HECW1: variants seen among roughly 807,000 people sequenced by gnomAD.
HECW1 encodes the protein HECT, C2 and WW domain containing E3 ubiquitin protein ligase 1, also known as E3 ubiquitin-protein ligase HECW1.
In HECW1, 61 loss-of-function variants were observed where a neutral mutation model predicts 182.3. That is an observed-to-expected ratio of 0.33 (90% CI 0.27 to 0.41). The LOEUF is 0.41. Ranked by LOEUF, HECW1 falls within the 10% of genes least tolerant of loss-of-function variation. The pLI is 1.00. For synonymous variants in HECW1, 859 were observed against 832.6 expected, an observed-to-expected ratio of 1.03 and a Z score of -0.55; for missense variants, 1,739 against 2,108.9, an observed-to-expected ratio of 0.82 and a Z score of 3.44.
At position 43,243,805 on chromosome 7, in the gene HECW1, T is replaced by C. The variant is rs192838415; in HGVS notation, c.-31-70T>C. The C allele has an allele frequency of 2.4e-5, 28 of 1,167,046 alleles. No individual in the cohort carries two copies. The East Asian group carries it at 6.5e-4, about 27-fold the overall frequency. 72.3% of individuals were successfully genotyped at this position (1,167,046 alleles called of 1,614,324 possible). ...GGGGTGGGGGAAACAATGTTGTTTG[T>C]GTGGGTAATGTTGCTGATTTTGTTT... On this transcript the variant is annotated intron_variant, in intron 2 of 29. Coordinates refer to ENST00000395891, the MANE Select transcript of HECW1 (RefSeq NM_015052.5). This position sits in a 1 kb window ranked among gnomAD's most constrained non-coding sequence, Gnocchi z 4.0.
rs1814847830 is a variant in HECW1 at position 43,354,410 on chromosome 7, T to C, written c.461-6476T>C. The stretch of plus-strand genomic sequence containing the variant: ...TAAACAAACTCAGCGATCTCCAAGA[T>C]AAGACAGAAAAAGCAATTCAGAAAT... On this transcript the variant is annotated intron_variant, in intron 5 of 29. Transcript: ENST00000395891. Among the ~76,000 whole-genome samples, 4 of 152,196 alleles carry C rather than the reference T, an allele frequency of 2.6e-5. No homozygotes were observed. In the South Asian group the frequency reaches 8.3e-4, roughly 32 times the overall value.
chr7:43,499,459 ACT>A (rs1180664521), intron 19 of HECW1, among the ~76,000 whole-genome samples: 1 of 146,664 alleles, frequency 6.8e-6, no homozygotes, highest in Non-Finnish European at 1.5e-5. Context: ...ACAGAGCAAG[ACT>A]CTGTCTCAAA....
intron 2 of HECW1, among the ~76,000 whole-genome samples, chr7:43,197,453 T>C (rs945886163): frequency 5.9e-5 from 9 of 152,196 alleles, no homozygotes; most frequent in Admixed American, 3.9e-4. Context: ...AAGCGATGCG[T>C]CCTGGGTGGA....
intron 3 of HECW1, among the ~76,000 whole-genome samples, chr7:43,308,140 T>C (rs1807925449): frequency 1.9e-5 from 2 of 104,872 alleles, no homozygotes; most frequent in South Asian, 4.7e-4. Flanking sequence ...ATATAATATA[T>C]TATATTATAT....
At chr7:43,128,716 G>A (rs958930490) in intron 2 of HECW1, among the ~76,000 whole-genome samples, 1 of 152,126 alleles carries the variant, frequency 6.6e-6, no homozygotes, top group Non-Finnish European at 1.5e-5. Flanking sequence ...GCTGGATCTG[G>A]GTAGAGTCCA....
At chr7:43,414,846 G>T (rs187939368) in intron 8 of HECW1, among the ~76,000 whole-genome samples, 126 of 152,144 alleles carry the variant, frequency 8.3e-4, no homozygotes, top group Non-Finnish European at 1.5e-3. Context: ...TCTGCTGCTG[G>T]ATTCGGTTTA....
chr7:43,240,869 C>T (rs1798815006), intron 2 of HECW1, among the ~76,000 whole-genome samples: 1 of 152,158 alleles, frequency 6.6e-6, no homozygotes, highest in South Asian at 2.1e-4. Flanking sequence ...CCCTGCTCTC[C>T]TATTGCTGTG....
chr7:43,361,815 C>CTTTT (rs397890047), intron 6 of HECW1, among the ~76,000 whole-genome samples: 5 of 77,978 alleles, frequency 6.4e-5, no homozygotes, highest in African/African-American at 2.7e-4. Context: ...AAGACTCTCT[C>CTTTT]TTTTTTTTTT....
intron 3 of HECW1, among the ~76,000 whole-genome samples, chr7:43,261,823 A>T (rs1801205250): frequency 6.6e-6 from 1 of 152,198 alleles, no homozygotes. Context: ...ACAAAAGAGT[A>T]ACTGGCAGGT....
At chr7:43,384,529 GA>G (rs1167528063) in intron 6 of HECW1, among the ~76,000 whole-genome samples, 1 of 152,130 alleles carries the variant, frequency 6.6e-6, no homozygotes, top group South Asian at 2.1e-4. Flanking sequence ...ACATTAGCAA[GA>G]AAAAAATACG....
At chr7:43,387,149 A>C (rs73099600) in intron 6 of HECW1, among the ~76,000 whole-genome samples, 3,594 of 150,218 alleles carry the variant, frequency 0.024, 119 homozygotes, top group African/African-American at 0.076. Flanking sequence ...TCATTCTCCC[A>C]CTCCCTTTCC....
chr7:43,206,462 T>C (rs1302254261), intron 2 of HECW1, among the ~76,000 whole-genome samples: 1 of 152,214 alleles, frequency 6.6e-6, no homozygotes, highest in Non-Finnish European at 1.5e-5. Flanking sequence ...TTTTGTTTTA[T>C]AGCTTTCTTT....
At chr7:43,388,422 C>A (rs2074887335) in intron 6 of HECW1, among the ~76,000 whole-genome samples, 3 of 152,144 alleles carry the variant, frequency 2.0e-5, no homozygotes. Flanking sequence ...GACTTTCAGA[C>A]CAACCATTGA....
At chr7:43,535,740 G>A (rs768505009) in intron 24 of HECW1, among the ~76,000 whole-genome samples, 11 of 152,194 alleles carry the variant, frequency 7.2e-5, no homozygotes, top group Admixed American at 3.3e-4. Context: ...TCCCATCTAC[G>A]TATGTATGCC....
At position 43,444,583 on chromosome 7, in the gene HECW1, C is replaced by T; in HGVS notation, c.1411C>T (p.Leu471=). 1 of 1,611,040 alleles carries T rather than the reference C, an allele frequency of 6.2e-7. No homozygotes were observed. Among genetic ancestry groups the T allele is most frequent in the South Asian group, 1.1e-5 (1 of 90,474 alleles). The change falls in exon 11 of 30, where the codon CTG becomes TTG. Residue 471 remains leucine, a synonymous_variant. Transcript: ENST00000395891. The surrounding 1 kb of genome is among the most constrained non-coding windows in gnomAD (Gnocchi z 4.3). ...GGACCTGGGTGAGGAGGCATCAGCA[C>T]TGCTGCTGGAAGACGGTGAAGCCCC... ...QLDLGEEASA[L]LLEDGEAPAS... is the part of the protein sequence containing the mutation.
rs531160508 is a variant in HECW1, at chr7:43,266,422, G to C, written c.27+22490G>C. On this transcript the variant is annotated intron_variant, in intron 3 of 29. Transcript: ENST00000395891. The stretch of plus-strand genomic sequence containing the variant: ...GCGATCTTGGCTCACTGCGTCCTCC[G>C]CCTCCCGGGTTCAAGCAATTCTCTG... Among the ~76,000 whole-genome samples, 16 of 152,208 alleles carry C rather than the reference G, an allele frequency of 1.1e-4. 1 individual carries two copies. The highest frequency in any genetic ancestry group is 3.9e-4 in the African/African-American group (16 of 41,530).
chr7:43,411,160 G>A (rs1321540526), intron 8 of HECW1, among the ~76,000 whole-genome samples: 3 of 150,692 alleles, frequency 2.0e-5, no homozygotes, highest in Admixed American at 1.3e-4. Flanking sequence ...TGTTTTAACT[G>A]CATTTTATAA....
intron 3 of HECW1, among the ~76,000 whole-genome samples, chr7:43,291,828 G>A (rs573274728): frequency 3.9e-4 from 60 of 152,304 alleles, no homozygotes; most frequent in Middle Eastern, 6.8e-3. Context: ...ATCTCGAGTA[G>A]ATTTCAAAGT....
At chr7:43,253,525 G>T (rs1314037895) in intron 3 of HECW1, among the ~76,000 whole-genome samples, 3 of 152,188 alleles carry the variant, frequency 2.0e-5, no homozygotes, top group Admixed American at 2.0e-4. Flanking sequence ...TATTATGGCT[G>T]CTGATAGCTC....
Sources: gnomAD v4.1 joint callset for allele counts (sites outside exome capture counted in the v4.1 genomes callset) on GRCh38, gnomAD v4.1.1 for gene constraint, Gnocchi (gnomAD v3.1) non-coding constraint, MANE v1.5 for transcripts, NCBI Gene and HGNC (gene_info 2026-07-23, HGNC 2026-07-21) for gene names.